The following TAF3 variants were observed in gnomAD, a reference collection of about 807,000 sequenced individuals.
TAF3 encodes TATA-box binding protein associated factor 3.
In TAF3, 7 loss-of-function variants were observed where a neutral mutation model predicts 80.6. The observed-to-expected ratio is 0.09, with a 90% confidence interval of 0.05 to 0.16. TAF3 has a LOEUF of 0.16. TAF3 is among the 10% of genes least tolerant of loss of function. TAF3 has a pLI of 1.00. For missense variants in TAF3, 921 were observed against 1,140.2 expected, an observed-to-expected ratio of 0.81 and a Z score of 2.77; for synonymous variants, 444 against 446.1, an observed-to-expected ratio of 1.00 and a Z score of 0.06.
rs144484464 is a variant in TAF3, at chr10:7,934,885, C to T, written c.410-29035C>T. 3.7e-3 allele frequency among the ~76,000 whole-genome samples: 566 copies of T among 152,292 alleles called. 4 individuals are homozygous for T. The highest frequency in any genetic ancestry group is 0.02 in the South Asian group (96 of 4,824). On this transcript the variant is annotated intron_variant, in intron 2 of 6. Coordinates refer to ENST00000344293, the MANE Select transcript of TAF3 (RefSeq NM_031923.4). ...GCCCCTCCCATGCGGCAGGCATGTTCTAGGTGCTGAAAATACATCAGTGAA... is the reference window on the plus strand; with the variant it reads ...GCCCCTCCCATGCGGCAGGCATGTTTTAGGTGCTGAAAATACATCAGTGAA...
chr10:7,928,319 T>G (rs1448484021), intron 2 of TAF3, among the ~76,000 whole-genome samples: 2 of 152,228 alleles, frequency 1.3e-5, no homozygotes, highest in Admixed American at 6.5e-5. Context: ...AAGTATTTTT[T>G]GAGTGAGCTA....
At chr10:7,926,928 G>A (rs1564364928) in intron 2 of TAF3, among the ~76,000 whole-genome samples, 1 of 152,148 alleles carries the variant, frequency 6.6e-6, no homozygotes, top group Non-Finnish European at 1.5e-5. Context: ...GGTTCAACGT[G>A]TGTATATATA....
chr10:7,965,087 A>G lies in TAF3; in HGVS notation c.1577A>G (p.Lys526Arg). ...PSSVEVKKKL[K>R]KELKTKMKKK... is the part of the protein sequence containing the mutation. Reference sequence around the variant, plus strand: ...TCCGTGGAGGTAAAGAAGAAGTTGAAAAAGGAACTAAAGACTAAAATGAAA... The same window carrying G: ...TCCGTGGAGGTAAAGAAGAAGTTGAGAAAGGAACTAAAGACTAAAATGAAA... The change falls in exon 3 of 7, where the codon AAA (lysine) becomes AGA (arginine). Residue 526 changes from lysine to arginine, a missense_variant. Physicochemically the swap from Lys to Arg is conservative, Grantham distance 26. Coordinates refer to ENST00000344293, the MANE Select transcript of TAF3 (RefSeq NM_031923.4). 6.2e-7 allele frequency: 1 copy of G among 1,614,102 alleles called. No individual in the cohort carries two copies. Among genetic ancestry groups the G allele is most frequent in the East Asian group, 2.2e-5 (1 of 44,892 alleles).
At chr10:7,822,221 GAAA>G (rs1456631263) in intron 1 of TAF3, among the ~76,000 whole-genome samples, 1 of 146,370 alleles carries the variant, frequency 6.8e-6, no homozygotes. Context: ...AGAGAGAAAG[GAAA>G]AAAATCTGAA....
chr10:7,872,513 AT>A (rs1837277159), intron 2 of TAF3, among the ~76,000 whole-genome samples: 1 of 152,184 alleles, frequency 6.6e-6, no homozygotes, highest in East Asian at 1.9e-4. Context: ...AGTATGTTTC[AT>A]TTAGGTGCTC....
intron 2 of TAF3, among the ~76,000 whole-genome samples, chr10:7,846,478 G>A (rs1445136472): frequency 6.6e-6 from 1 of 152,138 alleles, no homozygotes; most frequent in African/African-American, 2.4e-5. Flanking sequence ...AACCCTTGGT[G>A]TACTGTTTGG....
chr10:7,941,826 G>A (rs534131845), intron 2 of TAF3, among the ~76,000 whole-genome samples: 3 of 152,316 alleles, frequency 2.0e-5, no homozygotes, highest in African/African-American at 7.2e-5. Context: ...CCTGGAGCAT[G>A]TGTGTCAGCA....
At chr10:8,001,338 A>T (rs554345450) in intron 4 of TAF3, among the ~76,000 whole-genome samples, 1 of 152,056 alleles carries the variant, frequency 6.6e-6, no homozygotes, top group Non-Finnish European at 1.5e-5. Flanking sequence ...TGTCATGTTT[A>T]TATCTTTGAT....
At chr10:8,006,616 T>C (rs1368010566) in intron 4 of TAF3, among the ~76,000 whole-genome samples, 2 of 152,212 alleles carry the variant, frequency 1.3e-5, no homozygotes, top group Non-Finnish European at 2.9e-5. Flanking sequence ...AGGAAACAAA[T>C]AGAGAACAAT....
rs1831958273 is a variant in TAF3 at position 8,002,992 on chromosome 10, T to C, written c.2316-6086T>C. 2.6e-5 allele frequency among the ~76,000 whole-genome samples: 4 copies of C among 152,312 alleles called. No homozygotes were observed. The South Asian group carries it at 8.3e-4, about 32-fold the overall frequency. ...AGTCTTTTTTGTGTGGTATTACTTT[T>C]CTTTGTATTTGTATACATCTTTTTA... On this transcript the variant is annotated intron_variant, in intron 4 of 6. Transcript: ENST00000344293.
chr10:8,000,970 G>A (rs1831938522), intron 4 of TAF3, among the ~76,000 whole-genome samples: 1 of 152,074 alleles, frequency 6.6e-6, no homozygotes, highest in Non-Finnish European at 1.5e-5. Context: ...TTGTGTGTGT[G>A]CACACATGTG....
intron 2 of TAF3, among the ~76,000 whole-genome samples, chr10:7,855,321 C>CTTG (rs1394878199): frequency 5.3e-5 from 8 of 152,170 alleles, no homozygotes; most frequent in Non-Finnish European, 1.0e-4. Context: ...AAAAGACTGA[C>CTTG]TTCAAAGGGC....
At chr10:7,836,050 C>CT (rs1564343821) in intron 2 of TAF3, among the ~76,000 whole-genome samples, 1 of 152,158 alleles carries the variant, frequency 6.6e-6, no homozygotes, top group African/African-American at 2.4e-5. Flanking sequence ...TGAGCTCCAT[C>CT]TTGGGGCCTT....
At chr10:7,847,838 G>C (rs994334600) in intron 2 of TAF3, among the ~76,000 whole-genome samples, 12 of 152,120 alleles carry the variant, frequency 7.9e-5, no homozygotes, top group African/African-American at 2.7e-4. Context: ...TGCAATCTGG[G>C]CCCACCGCAA....
intron 6 of TAF3, among the ~76,000 whole-genome samples, 184 bp downstream of exon 6, chr10:8,014,021 A>G (rs1045997338): frequency 5.3e-5 from 8 of 152,144 alleles, no homozygotes; most frequent in African/African-American, 1.9e-4. Context: ...GAGTGCTTAG[A>G]CTATTGTTAT....
At chr10:7,851,975 C>T (rs1034729192) in intron 2 of TAF3, among the ~76,000 whole-genome samples, 13 of 151,344 alleles carry the variant, frequency 8.6e-5, no homozygotes, top group African/African-American at 2.9e-4. Flanking sequence ...GTAGAGATGA[C>T]GTCTTGTCAT....
At chr10:7,999,464 T>G (rs1439646023) in intron 4 of TAF3, among the ~76,000 whole-genome samples, 1 of 150,790 alleles carries the variant, frequency 6.6e-6, no homozygotes, top group Non-Finnish European at 1.5e-5. Flanking sequence ...AGAAGTTTTT[T>G]TTTTTTTTTT....
At chr10:7,933,460 C>A (rs1296304890) in intron 2 of TAF3, among the ~76,000 whole-genome samples, 2 of 152,146 alleles carry the variant, frequency 1.3e-5, no homozygotes, top group Non-Finnish European at 2.9e-5. Context: ...TTCACTTGGG[C>A]TATTGGACAG....
chr10:8,006,896 C>T (rs1256209352), intron 4 of TAF3, among the ~76,000 whole-genome samples: 1 of 152,210 alleles, frequency 6.6e-6, no homozygotes, highest in Admixed American at 6.5e-5. Flanking sequence ...GAGGTTCTCA[C>T]TACAACCCTC....
Sources: allele counts gnomAD v4.1 joint callset (sites outside exome capture counted in the v4.1 genomes callset), GRCh38; gene constraint gnomAD v4.1.1; transcripts MANE v1.5; gene names NCBI Gene and HGNC (gene_info 2026-07-23, HGNC 2026-07-21).